PRSS16: variants seen among roughly 807,000 people sequenced by gnomAD.
The protein encoded by PRSS16 is thymus-specific serine protease.
PRSS16 carries 43 observed loss-of-function variants against 61.7 expected under a neutral mutation model. That is an observed-to-expected ratio of 0.70 (90% CI 0.55 to 0.90). PRSS16 has a LOEUF of 0.90. Among genes scored for constraint, PRSS16 ranks in the 40% least tolerant of loss-of-function variants. PRSS16 has a pLI of 0.00. For synonymous variants in PRSS16, 273 were observed against 285.2 expected, an observed-to-expected ratio of 0.96 and a Z score of 0.43; for missense variants, 591 against 659.1, an observed-to-expected ratio of 0.90 and a Z score of 1.13.
At position 27,251,708 on chromosome 6, in the gene PRSS16, C is replaced by T; in HGVS notation, c.718-42C>T. On this transcript the variant is annotated intron_variant, in intron 7 of 11. Transcript: ENST00000230582. This position sits in a 1 kb window ranked among gnomAD's most constrained non-coding sequence, Gnocchi z 5.6. ...GGTCCTGGGTAGGGAAAGCCGAGGC[C>T]CAGCCTAAGTCTTGGCGGACATCGC... 6.4e-7 allele frequency: 1 copy of T among 1,556,186 alleles called. No individual in the cohort carries two copies. The highest frequency in any genetic ancestry group is 2.3e-5 in the East Asian group (1 of 44,356).
chr6:27,248,108 C>G, intron 2 of PRSS16, 60 bp downstream of exon 2: 1 of 1,545,206 alleles, frequency 6.5e-7, no homozygotes, highest in Non-Finnish European at 8.7e-7. Flanking sequence ...TCTCCCTCAT[C>G]TCTTCCTCAG....
chr6:27,254,839 A>AC lies in PRSS16; in HGVS notation c.1301dup (p.Gly435TrpfsTer3). 1 of 1,614,058 alleles carries AC rather than the reference A, an allele frequency of 6.2e-7. No homozygotes were observed. Among genetic ancestry groups the AC allele is most frequent in the South Asian group, 1.1e-5 (1 of 91,064 alleles). ...GACGAACTCCTACTACGGTGGCCAG[A>AC]CCCCTGGGGCTAACAAAGTGCTGTT... is the stretch of plus-strand genomic sequence containing the variant. On this transcript the variant is annotated frameshift_variant, in exon 10 of 12. Coordinates refer to ENST00000230582, the MANE Select transcript of PRSS16 (RefSeq NM_005865.4). LOFTEE classifies it high-confidence loss of function.
At chr6:27,253,543 C>G (rs1370261214) in intron 9 of PRSS16, 1 of 440,648 alleles carries the variant, frequency 2.3e-6, no homozygotes, top group Admixed American at 2.6e-5. Context: ...CTCAAAGACC[C>G]CAGGGTAGTG....
In PRSS16 at chr6:27,252,992, C is replaced by A. The variant is rs747683345; in HGVS notation, c.1150+43C>A. On this transcript the variant is annotated intron_variant, in intron 9 of 11. Coordinates refer to ENST00000230582, the MANE Select transcript of PRSS16 (RefSeq NM_005865.4). The surrounding 1 kb of genome is among the most constrained non-coding windows in gnomAD (Gnocchi z 4.2). ...CCCTAACTTTGTCCCCTCAAACAAC[C>A]TTTTTACTATGCCCAGAGAAGTCAT... 9 of 1,613,294 alleles carry A rather than the reference C, an allele frequency of 5.6e-6. No homozygotes were observed. The highest frequency in any genetic ancestry group is 1.7e-5 in the Admixed American group (1 of 59,984).
Position 27,247,776 on chromosome 6 carries a change from C to T in PRSS16, c.39C>T (p.Leu13=), listed in dbSNP as rs1761251437. 10 of 1,600,768 alleles carry T rather than the reference C, an allele frequency of 6.2e-6. No individual in the cohort carries two copies. Among genetic ancestry groups the T allele is most frequent in the Non-Finnish European group, 8.5e-6 (10 of 1,174,008 alleles). The part of the protein sequence containing the change: ...VWLAQWLGPL[L]LVSLWGLLAP... ...TTGCCCAGTGGCTGGGCCCTCTGCT[C>T]TTGGTTTCCCTCTGGGGACTCTTGG... The change falls in exon 1 of 12, where the codon CTC becomes CTT. Residue 13 remains leucine, a synonymous_variant. Transcript: ENST00000230582.
intron 2 of PRSS16, 87 bp downstream of exon 2, chr6:27,248,135 T>C: frequency 7.1e-7 from 1 of 1,402,200 alleles, no homozygotes; most frequent in Non-Finnish European, 9.6e-7. Context: ...CTTTTTTCTC[T>C]CTCCACACCT....
chr6:27,254,608 C>T, intron 9 of PRSS16, 85 bp from the exon 10 acceptor site: 4 of 1,314,866 alleles, frequency 3.0e-6, no homozygotes, highest in Middle Eastern at 3.8e-4. Context: ...TTCTGGTCAT[C>T]ACTGAGGAAA....
Position 27,251,451 on chromosome 6 carries a change from A to C in PRSS16, c.717+187A>C. 1 of 823,406 alleles carries C rather than the reference A, an allele frequency of 1.2e-6. No homozygotes were observed. The highest frequency in any genetic ancestry group is 1.8e-6 in the Non-Finnish European group (1 of 545,412). 51.0% of individuals were successfully genotyped at this position (823,406 alleles called of 1,614,324 possible). A position where few individuals can be genotyped will look rare whatever the true frequency, so the allele number is the denominator to read the frequency against. ...CGAAGAGGAGGGGCACCAGGAAAAG[A>C]GGCGCTCCCCAGAGAGGGCGGGGTT... On this transcript the variant is annotated intron_variant, in intron 7 of 11. Coordinates refer to ENST00000230582, the MANE Select transcript of PRSS16 (RefSeq NM_005865.4). The surrounding 1 kb of genome is among the most constrained non-coding windows in gnomAD (Gnocchi z 5.6).
At chr6:27,254,921 C>G (rs374384482) in intron 10 of PRSS16, 49 bp downstream of exon 10, 96 of 1,611,504 alleles carry the variant, frequency 6.0e-5, no homozygotes, top group Non-Finnish European at 7.8e-5. Flanking sequence ...CTAGCCCCAG[C>G]TCAACATAGC....
chr6:27,253,099 C>A, intron 9 of PRSS16, 150 bp downstream of exon 9: 2 of 1,034,408 alleles, frequency 1.9e-6, no homozygotes, highest in Non-Finnish European at 2.9e-6. Context: ...AAGGTGGAAG[C>A]CATACTAGTG....
intron 2 of PRSS16, among the ~76,000 whole-genome samples, 183 bp downstream of exon 2, chr6:27,248,231 T>C (rs1217016670): frequency 6.6e-6 from 1 of 151,782 alleles, no homozygotes; most frequent in African/African-American, 2.4e-5. Context: ...TTGGCCTTAC[T>C]CTCTCCTCTC....
Position 27,251,654 on chromosome 6 carries a change from G to C in PRSS16, c.718-96G>C, listed in dbSNP as rs1445340615. On this transcript the variant is annotated intron_variant, in intron 7 of 11. Transcript: ENST00000230582. This position sits in a 1 kb window ranked among gnomAD's most constrained non-coding sequence, Gnocchi z 5.6. ...GTCTGCACCCTCTGAGTCCCGCTAG[G>C]GGAAAGTGGGGAACCCAAGGAGGAC... 5.5e-6 allele frequency: 8 copies of C among 1,452,108 alleles called. No individual in the cohort carries two copies. In the African/African-American group the frequency reaches 1.1e-4, roughly 21 times the overall value. The allele number at this position is 1,452,108 out of a possible 1,614,324, so 90.0% of individuals were successfully genotyped here.
chr6:27,254,797 G>C lies in PRSS16; in HGVS notation c.1255G>C (p.Ala419Pro). Reference sequence around the variant, plus strand: ...GTTTGGGCTCTCAGCCTTGTCAGTAGCCCAGGCTGTGGCTCAGACGAACTC... The same window carrying C: ...GTTTGGGCTCTCAGCCTTGTCAGTACCCCAGGCTGTGGCTCAGACGAACTC... ...QVFGLSALSV[A>P]QAVAQTNSYY... is the part of the protein sequence containing the mutation. The change falls in exon 10 of 12, where the codon GCC (alanine) becomes CCC (proline). Residue 419 changes from alanine (A) to proline (P), a missense_variant. Physicochemically the swap from Ala to Pro is conservative, Grantham distance 27. Transcript: ENST00000230582. 6.2e-7 allele frequency: 1 copy of C among 1,614,180 alleles called. No individual in the cohort carries two copies. Among genetic ancestry groups the C allele is most frequent in the Non-Finnish European group, 8.5e-7 (1 of 1,180,038 alleles).
chr6:27,251,986 C>T lies in PRSS16; in HGVS notation c.954C>T (p.Gly318=), dbSNP rs1759922273. ...VRQLCGLLLG[G]GGNRSHSTPY... ...AGCTCTGCGGACTTCTCCTCGGGGGCGGGGGCAACCGCAGCCACTCCACGC... is the reference window on the plus strand; with the variant it reads ...AGCTCTGCGGACTTCTCCTCGGGGGTGGGGGCAACCGCAGCCACTCCACGC... Residue 318 remains glycine, a synonymous_variant, in exon 8 of 12, where the codon GGC becomes GGT. Coordinates refer to ENST00000230582, the MANE Select transcript of PRSS16 (RefSeq NM_005865.4). The surrounding 1 kb of genome is among the most constrained non-coding windows in gnomAD (Gnocchi z 5.6). 2 of 1,586,644 alleles carry T rather than the reference C, an allele frequency of 1.3e-6. No individual in the cohort carries two copies. Among genetic ancestry groups the T allele is most frequent in the Admixed American group, 1.8e-5 (1 of 55,388 alleles).
Position 27,252,772 on chromosome 6 carries a change from G to A in PRSS16, c.1009-36G>A, listed in dbSNP as rs750190441. The stretch of plus-strand genomic sequence containing the variant: ...ACCCTGGCTTGCTGGGAAGAGAGGA[G>A]GAATTTATGTCTTATGTATGTACAT... On this transcript the variant is annotated intron_variant, in intron 8 of 11. Transcript: ENST00000230582. This position sits in a 1 kb window ranked among gnomAD's most constrained non-coding sequence, Gnocchi z 4.2. The A allele has an allele frequency of 6.2e-6, 10 of 1,612,412 alleles. No homozygotes were observed. The South Asian group carries it at 9.9e-5, about 16-fold the overall frequency.
Position 27,252,692 on chromosome 6 carries a change from C to A in PRSS16, c.1009-116C>A. 8.6e-7 allele frequency: 1 copy of A among 1,162,420 alleles called. No individual in the cohort carries two copies. Among genetic ancestry groups the A allele is most frequent in the Non-Finnish European group, 1.2e-6 (1 of 814,424 alleles). The allele number at this position is 1,162,420 out of a possible 1,614,324, so 72.0% of individuals were successfully genotyped here. A position where few individuals can be genotyped will look rare whatever the true frequency, so the allele number is the denominator to read the frequency against. On this transcript the variant is annotated intron_variant, in intron 8 of 11. Coordinates refer to ENST00000230582, the MANE Select transcript of PRSS16 (RefSeq NM_005865.4). The surrounding 1 kb of genome is among the most constrained non-coding windows in gnomAD (Gnocchi z 4.2). Reference sequence around the variant, plus strand: ...CTGACCACTGACTCCCAGGAGAACTCAGGAACTCACCCTTCTATTTCTGAC... The same window carrying A: ...CTGACCACTGACTCCCAGGAGAACTAAGGAACTCACCCTTCTATTTCTGAC...
chr6:27,251,423 T>C lies in PRSS16; in HGVS notation c.717+159T>C, dbSNP rs1435960643. 10 of 975,386 alleles carry C rather than the reference T, an allele frequency of 1.0e-5. No individual in the cohort carries two copies. Among genetic ancestry groups the C allele is most frequent in the Non-Finnish European group, 1.5e-5 (10 of 684,866 alleles). 60.4% of individuals were successfully genotyped at this position (975,386 alleles called of 1,614,324 possible). On this transcript the variant is annotated intron_variant, in intron 7 of 11. Coordinates refer to ENST00000230582, the MANE Select transcript of PRSS16 (RefSeq NM_005865.4). This position sits in a 1 kb window ranked among gnomAD's most constrained non-coding sequence, Gnocchi z 5.6. ...GCAGGTTTTGGAAGAAGGCGGGAGC[T>C]GACGAAGAGGAGGGGCACCAGGAAA...
In PRSS16 at chr6:27,252,088, C is replaced by T. The variant is rs1207800326; in HGVS notation, c.1008+48C>T. On this transcript the variant is annotated intron_variant, in intron 8 of 11. Coordinates refer to ENST00000230582, the MANE Select transcript of PRSS16 (RefSeq NM_005865.4). This position sits in a 1 kb window ranked among gnomAD's most constrained non-coding sequence, Gnocchi z 4.2. ...GGGAGGAGTTAGCGGACAAAGATTC[C>T]TGCCCCACTTCCGTTGTGTGATCTT... The T allele has an allele frequency of 2.1e-6, 3 of 1,442,646 alleles. No homozygotes were observed. The highest frequency in any genetic ancestry group is 5.2e-5 in the East Asian group (2 of 38,254). 89.4% of individuals were successfully genotyped at this position (1,442,646 alleles called of 1,614,324 possible).
intron 9 of PRSS16, 86 bp downstream of exon 9, chr6:27,253,035 C>A: frequency 1.3e-6 from 2 of 1,553,744 alleles, no homozygotes; most frequent in South Asian, 1.1e-5. Context: ...GTGGTCTGGA[C>A]TCATTTCGAC....
Sources: gnomAD v4.1 joint callset for allele counts (sites outside exome capture counted in the v4.1 genomes callset) on GRCh38, gnomAD v4.1.1 for gene constraint, Gnocchi (gnomAD v3.1) non-coding constraint, MANE v1.5 for transcripts, NCBI Gene and HGNC (gene_info 2026-07-23, HGNC 2026-07-21) for gene names.